The following UBR4 variants were observed in gnomAD, a reference collection of about 807,000 sequenced individuals.
UBR4 encodes ubiquitin protein ligase E3 component n-recognin 4.
Under a neutral mutation model 575.6 loss-of-function variants are expected in UBR4, and 124 were observed. That is an observed-to-expected ratio of 0.22 (90% CI 0.19 to 0.25). UBR4 has a LOEUF of 0.25. UBR4 is among the 10% of genes least tolerant of loss of function. UBR4 has a pLI of 1.00. For synonymous variants in UBR4, 2,455 were observed against 2,473.7 expected, an observed-to-expected ratio of 0.99 and a Z score of 0.22; for missense variants, 4,818 against 6,478.8, an observed-to-expected ratio of 0.74 and a Z score of 8.80.
At chr1:19,141,831 C>A in intron 55 of UBR4, 54 bp from the exon 56 acceptor site, 1 of 1,599,638 alleles carries the variant, frequency 6.3e-7, no homozygotes, top group Non-Finnish European at 8.5e-7. Context: ...TCCCTTGGCA[C>A]ATGGTGCCAT....
In UBR4 at chr1:19,173,138, G is replaced by A. The variant is rs777730512; in HGVS notation, c.3291+43C>T. On this transcript the variant is annotated intron_variant, in intron 24 of 105. Coordinates refer to ENST00000375254, the MANE Select transcript of UBR4 (RefSeq NM_020765.3). ...ATAATTAGCTGTGGCAATGGGCTAT[G>A]GTAGAAACCAAGTTCTATCATTTAG... 5.6e-6 allele frequency: 9 copies of A among 1,613,726 alleles called. No homozygotes were observed. The African/African-American group carries it at 1.1e-4, about 19-fold the overall frequency.
In UBR4 at chr1:19,160,092, A is replaced by C. The variant is rs2087088708; in HGVS notation, c.5577+19T>G. 2.5e-6 allele frequency: 4 copies of C among 1,596,016 alleles called. No homozygotes were observed. The highest frequency in any genetic ancestry group is 3.4e-6 in the Non-Finnish European group (4 of 1,170,638). On this transcript the variant is annotated intron_variant, in intron 39 of 105. Coordinates refer to ENST00000375254, the MANE Select transcript of UBR4 (RefSeq NM_020765.3). ...TTGGTTCCCACAGCCACCAAACATC[A>C]TGGCCCCAAGACACTCACCATCAGC...
chr1:19,099,824 C>A (rs375217831), intron 89 of UBR4, 147 bp from the exon 90 acceptor site: 6 of 659,230 alleles, frequency 9.1e-6, no homozygotes, highest in Non-Finnish European at 1.5e-5. Flanking sequence ...TTAAAAAATC[C>A]GCACGTATGA....
intron 102 of UBR4, among the ~76,000 whole-genome samples, chr1:19,082,915 GT>G (rs2076656415): frequency 6.6e-6 from 1 of 152,200 alleles, no homozygotes; most frequent in African/African-American, 2.4e-5. Context: ...CAGCCCCACT[GT>G]GACCAAGCTC....
chr1:19,105,460 A>G lies in UBR4; in HGVS notation c.12504-271T>C, dbSNP rs576137786. Reference sequence around the variant, plus strand: ...CTGATTGCTATGAGAGAATTAAATAAGATAATGCATGCCAAGCATTTATGC... The same window carrying G: ...CTGATTGCTATGAGAGAATTAAATAGGATAATGCATGCCAAGCATTTATGC... On this transcript the variant is annotated intron_variant, in intron 84 of 105. Coordinates refer to ENST00000375254, the MANE Select transcript of UBR4 (RefSeq NM_020765.3). 1.2e-4 allele frequency among the ~76,000 whole-genome samples: 18 copies of G among 152,350 alleles called. 1 individual carries two copies. In the South Asian group the frequency reaches 3.7e-3, roughly 32 times the overall value.
intron 9 of UBR4, among the ~76,000 whole-genome samples, chr1:19,193,138 T>C (rs1353129700): frequency 6.6e-6 from 1 of 152,198 alleles, no homozygotes; most frequent in African/African-American, 2.4e-5. Context: ...GAAATTTTCC[T>C]GTTTACTGCA....
At position 19,198,794 on chromosome 1, in the gene UBR4, C is replaced by T. The variant is rs766609071; in HGVS notation, c.508+5G>A. On this transcript the variant is annotated splice_donor_5th_base_variant and intron_variant, in intron 4 of 105. Coordinates refer to ENST00000375254, the MANE Select transcript of UBR4 (RefSeq NM_020765.3). ...TGTGATCAGATCTGTCAAAGGAACA[C>T]CCACCGTCTGAAAGTGTCTTCACTG... 1.2e-6 allele frequency: 2 copies of T among 1,614,182 alleles called. No homozygotes were observed. Among genetic ancestry groups the T allele is most frequent in the Non-Finnish European group, 1.7e-6 (2 of 1,180,030 alleles).
At chr1:19,078,597 G>A (rs2076189008) in intron 103 of UBR4, 1 of 156,390 alleles carries the variant, frequency 6.4e-6, no homozygotes, top group Non-Finnish European at 1.4e-5. Flanking sequence ...CAAGCTGCTA[G>A]GAAGTTGGTA....
intron 19 of UBR4, among the ~76,000 whole-genome samples, chr1:19,177,165 G>A (rs922707337): frequency 6.6e-6 from 1 of 152,144 alleles, no homozygotes; most frequent in African/African-American, 2.4e-5. Flanking sequence ...ATCAAGGGCC[G>A]ATGCTCAGGG....
chr1:19,164,216 A>G, intron 33 of UBR4, 37 bp downstream of exon 33: 1 of 1,583,856 alleles, frequency 6.3e-7, no homozygotes, highest in Non-Finnish European at 8.6e-7. Context: ...TCTCAAGATC[A>G]ATGTTGTAAC....
rs183588669 is a variant in UBR4, at chr1:19,186,866, T to C, written c.1633-209A>G. Among the ~76,000 whole-genome samples, 23 of 152,162 alleles carry C rather than the reference T, an allele frequency of 1.5e-4. No homozygotes were observed. In the East Asian group the frequency reaches 3.9e-3, roughly 26 times the overall value. ...AGAATTGAAAACAGGAGTGTTTCCATAGTGTCCTCTATGCTTCTGCTTCAG... is the reference window on the plus strand; with the variant it reads ...AGAATTGAAAACAGGAGTGTTTCCACAGTGTCCTCTATGCTTCTGCTTCAG... On this transcript the variant is annotated intron_variant, in intron 13 of 105. Transcript: ENST00000375254.
intron 101 of UBR4, 68 bp from the exon 102 acceptor site, chr1:19,084,766 G>C (rs2076844323): frequency 1.2e-5 from 17 of 1,474,730 alleles, no homozygotes; most frequent in African/African-American, 4.1e-5. Context: ...TTGGGAGACA[G>C]AGCCTCCTTC....
At chr1:19,114,789 T>A (rs774307830) in intron 75 of UBR4, 22 bp downstream of exon 75, 3 of 1,613,512 alleles carry the variant, frequency 1.9e-6, no homozygotes, top group Non-Finnish European at 2.5e-6. Flanking sequence ...CAGCCCTGAG[T>A]CTAGGCCAGA....
rs745381667 is a variant in UBR4, at chr1:19,074,769, G to A, written c.*63C>T. The A allele has an allele frequency of 9.6e-6, 15 of 1,568,030 alleles. No individual in the cohort carries two copies. The highest frequency in any genetic ancestry group is 1.3e-5 in the Non-Finnish European group (15 of 1,143,082). ...GCGGAGGGAACTTAATGCACAAGGA[G>A]GGAGAACAGAGGGTGGAAGGCAAGC... On this transcript the variant is annotated 3_prime_UTR_variant, in exon 106 of 106. Coordinates refer to ENST00000375254, the MANE Select transcript of UBR4 (RefSeq NM_020765.3).
intron 1 of UBR4, among the ~76,000 whole-genome samples, chr1:19,205,416 C>T (rs1003354340): frequency 5.9e-5 from 9 of 152,188 alleles, no homozygotes; most frequent in African/African-American, 1.9e-4. Flanking sequence ...AAGCTCCTTT[C>T]CCCTCATCAG....
At position 19,173,239 on chromosome 1, in the gene UBR4, G is replaced by C. The variant is rs780585905; in HGVS notation, c.3233C>G (p.Thr1078Ser). The C allele has an allele frequency of 1.9e-6, 3 of 1,614,088 alleles. No individual in the cohort carries two copies. In the African/African-American group the frequency reaches 4.0e-5, roughly 22 times the overall value. ...ATCATATTTCACTGAGCTACACTTA[G>C]TGGTGGATGCCAGTTCTAGAAGCGA... ...ASSLLELASTTKCSSVKYDVE... is the reference protein window; with the variant it reads ...ASSLLELASTSKCSSVKYDVE... Residue 1078 changes from threonine to serine, a missense_variant, in exon 24 of 106, where the codon ACT (threonine) becomes AGT (serine). Around this residue, in one of 29 missense-constraint regions of UBR4, gnomAD observed 1,172 missense variants for 1,259.7 expected, o/e 0.93. Transcript: ENST00000375254.
At chr1:19,132,873 T>A (rs1038535771) in intron 60 of UBR4, among the ~76,000 whole-genome samples, 6 of 152,008 alleles carry the variant, frequency 3.9e-5, no homozygotes, top group African/African-American at 1.4e-4. Context: ...TTTAATAAAA[T>A]CAACAAATTC....
chr1:19,125,971 G>T (rs980908654), intron 64 of UBR4, among the ~76,000 whole-genome samples: 1 of 152,204 alleles, frequency 6.6e-6, no homozygotes, highest in South Asian at 2.1e-4. Flanking sequence ...TGTAGAAGCT[G>T]AAGGTTAGGG....
chr1:19,156,866 T>A lies in UBR4; in HGVS notation c.5820A>T (p.Leu1940Phe). 1 of 1,614,160 alleles carries A rather than the reference T, an allele frequency of 6.2e-7. No homozygotes were observed. Among genetic ancestry groups the A allele is most frequent in the South Asian group, 1.1e-5 (1 of 91,084 alleles). Residue 1940 changes from leucine (L) to phenylalanine (F), a missense_variant, in exon 41 of 106, where the codon TTA becomes TTT. By Grantham distance (22) the Leu-to-Phe change is conservative. Coordinates refer to ENST00000375254, the MANE Select transcript of UBR4 (RefSeq NM_020765.3). Reference sequence around the variant, plus strand: ...GGGCAGAAGCCAAGCGGGTCAGAGTTAACTTCCTTTTGCTGGAATCTGCTT... The same window carrying A: ...GGGCAGAAGCCAAGCGGGTCAGAGTAAACTTCCTTTTGCTGGAATCTGCTT... Reference protein sequence around the residue: ...LKQADSSKRKLTLTRLASAPV... With the variant: ...LKQADSSKRKFTLTRLASAPV...
Sources: gnomAD v4.1 joint callset for allele counts (sites outside exome capture counted in the v4.1 genomes callset) on GRCh38, gnomAD v4.1.1 for gene constraint, gnomAD v4.1.1 regional missense constraint, MANE v1.5 for transcripts, NCBI Gene and HGNC (gene_info 2026-07-23, HGNC 2026-07-21) for gene names.